ENOX1: variants seen among roughly 807,000 people sequenced by gnomAD.
The protein encoded by ENOX1 is ecto-NOX disulfide-thiol exchanger 1.
A neutral mutation model predicts 82.5 loss-of-function variants in ENOX1; 42 were observed. That is an observed-to-expected ratio of 0.51 (90% CI 0.40 to 0.66). ENOX1 has a LOEUF of 0.66. Among genes scored for constraint, ENOX1 ranks in the 30% least tolerant of loss-of-function variants. The probability of loss-of-function intolerance (pLI) is 0.00; values close to 1 mark genes in which losing one functional copy is unlikely to be tolerated. For missense variants in ENOX1, 608 were observed against 811.6 expected (o/e 0.75, Z 3.05); for synonymous variants, 271 against 282.2 (o/e 0.96, Z 0.40).
intron 1 of ENOX1, among the ~76,000 whole-genome samples, chr13:43,764,124 C>T (rs912168220): frequency 6.6e-6 from 1 of 152,146 alleles, no homozygotes; most frequent in Non-Finnish European, 1.5e-5. Flanking sequence ...CTAATTTTGC[C>T]AAAACGAGGT....
chr13:43,397,678 A>G (rs547406889), intron 5 of ENOX1, among the ~76,000 whole-genome samples: 32 of 152,370 alleles, frequency 2.1e-4, no homozygotes, highest in East Asian at 7.7e-4. Flanking sequence ...GGTCAAAATT[A>G]TATCTTCTAT....
chr13:43,571,955 A>C (rs2153711546), intron 2 of ENOX1, among the ~76,000 whole-genome samples: 1 of 152,206 alleles, frequency 6.6e-6, no homozygotes, highest in African/African-American at 2.4e-5. Flanking sequence ...GGGAGGATTC[A>C]AAGCAGGAGC....
intron 16 of ENOX1, among the ~76,000 whole-genome samples, chr13:43,221,292 T>C (rs2041775522): frequency 6.6e-6 from 1 of 152,218 alleles, no homozygotes; most frequent in African/African-American, 2.4e-5. Flanking sequence ...AACCCTCCTC[T>C]TGACTGTAAG....
chr13:43,262,942 C>G (rs2044162185), intron 14 of ENOX1, among the ~76,000 whole-genome samples: 2 of 152,182 alleles, frequency 1.3e-5, no homozygotes, highest in African/African-American at 2.4e-5. Flanking sequence ...AAAATGGATT[C>G]AAACCCTCTC....
intron 14 of ENOX1, among the ~76,000 whole-genome samples, chr13:43,262,188 T>C (rs941971197): frequency 3.9e-5 from 6 of 152,150 alleles, no homozygotes; most frequent in Admixed American, 3.9e-4. Context: ...TATCTCTGAG[T>C]AATGAGATAC....
intron 5 of ENOX1, among the ~76,000 whole-genome samples, chr13:43,410,064 T>C (rs763386177): frequency 2.6e-5 from 4 of 152,232 alleles, no homozygotes; most frequent in Non-Finnish European, 5.9e-5. Flanking sequence ...CGTAGGGCTG[T>C]AATTCTTTTC....
intron 8 of ENOX1, among the ~76,000 whole-genome samples, chr13:43,350,921 G>T (rs550147946): frequency 6.6e-6 from 1 of 152,172 alleles, no homozygotes; most frequent in Non-Finnish European, 1.5e-5. Flanking sequence ...TTTTATGTTT[G>T]AACGGAACGA....
intron 2 of ENOX1, among the ~76,000 whole-genome samples, chr13:43,539,226 CTTTAG>C (rs2078603935): frequency 6.6e-6 from 1 of 152,062 alleles, no homozygotes; most frequent in South Asian, 2.1e-4. Flanking sequence ...TCCTACTTTG[CTTTAG>C]TTTATTTTCC....
rs148148489 is a variant in ENOX1, at chr13:43,639,416, A to C, written c.-219+28063T>G. Among the ~76,000 whole-genome samples the C allele has an allele frequency of 2.6e-3, 399 of 152,330 alleles. 1 individual carries two copies. Among genetic ancestry groups the C allele is most frequent in the African/African-American group, 9.2e-3 (382 of 41,576 alleles). Reference sequence around the variant, plus strand: ...AAACTGTTTATTGTACAAAACTCTTAAGAACCTAGTATTTTCTTAAAAAGT... The same window carrying C: ...AAACTGTTTATTGTACAAAACTCTTCAGAACCTAGTATTTTCTTAAAAAGT... On this transcript the variant is annotated intron_variant, in intron 2 of 16. Transcript: ENST00000690772.
chr13:43,440,834 A>G (rs1437503832), intron 3 of ENOX1, among the ~76,000 whole-genome samples: 1 of 152,218 alleles, frequency 6.6e-6, no homozygotes, highest in Admixed American at 6.5e-5. Context: ...GTTTTGATTA[A>G]TGATAAATTT....
At chr13:43,782,229 G>C (rs1051113407) in intron 1 of ENOX1, among the ~76,000 whole-genome samples, 19 of 152,172 alleles carry the variant, frequency 1.2e-4, no homozygotes, top group African/African-American at 4.6e-4. Flanking sequence ...CAAGATTCCA[G>C]TTGGTTAAAT....
At chr13:43,315,603 C>T (rs1451968105) in intron 11 of ENOX1, among the ~76,000 whole-genome samples, 1 of 152,160 alleles carries the variant, frequency 6.6e-6, no homozygotes, top group African/African-American at 2.4e-5. Context: ...GTTAATTTTG[C>T]TCAAACGCAA....
At chr13:43,683,577 C>T (rs1244535220) in intron 1 of ENOX1, among the ~76,000 whole-genome samples, 1 of 152,056 alleles carries the variant, frequency 6.6e-6, no homozygotes. Context: ...ACAGATCCAC[C>T]TCCAAACTGG....
chr13:43,354,379 C>A (rs1002785860), intron 8 of ENOX1, among the ~76,000 whole-genome samples: 1 of 151,782 alleles, frequency 6.6e-6, no homozygotes, highest in Admixed American at 6.6e-5. Context: ...GGTTACGGTG[C>A]GGGTATTTCA....
intron 1 of ENOX1, among the ~76,000 whole-genome samples, chr13:43,682,150 G>T (rs2085822310): frequency 6.6e-6 from 1 of 152,026 alleles, no homozygotes; most frequent in Non-Finnish European, 1.5e-5. Flanking sequence ...TAAGGATCTG[G>T]ATAAAGCAAA....
intron 3 of ENOX1, among the ~76,000 whole-genome samples, chr13:43,425,799 C>T (rs1221673424): frequency 6.6e-6 from 1 of 152,148 alleles, no homozygotes; most frequent in Non-Finnish European, 1.5e-5. Context: ...ATTTAGTATT[C>T]ACATGAAAGT....
chr13:43,580,157 T>C (rs528524981), intron 2 of ENOX1, among the ~76,000 whole-genome samples: 1 of 152,354 alleles, frequency 6.6e-6, no homozygotes, highest in African/African-American at 2.4e-5. Context: ...GATATTCATG[T>C]CCTTGACCTG....
At chr13:43,484,745 T>C (rs2076355452) in intron 2 of ENOX1, among the ~76,000 whole-genome samples, 1 of 152,222 alleles carries the variant, frequency 6.6e-6, no homozygotes, top group Admixed American at 6.5e-5. Context: ...ATTCAAATAT[T>C]ACTAATTAAT....
intron 14 of ENOX1, among the ~76,000 whole-genome samples, chr13:43,263,760 C>T (rs902250208): frequency 5.9e-5 from 9 of 152,242 alleles, no homozygotes; most frequent in African/African-American, 1.7e-4. Context: ...AGGCCTACTG[C>T]CACTTTGTCT....
Sources: gnomAD v4.1 joint callset for allele counts (sites outside exome capture counted in the v4.1 genomes callset) on GRCh38, gnomAD v4.1.1 for gene constraint, MANE v1.5 for transcripts, NCBI Gene and HGNC (gene_info 2026-07-23, HGNC 2026-07-21) for gene names.